Variants in CNOT7 observed in about 807,000 individuals in gnomAD.
CNOT7 encodes CCR4-NOT transcription complex subunit 7.
A neutral mutation model predicts 37.1 loss-of-function variants in CNOT7; 4 were observed. The observed-to-expected ratio is 0.11, with a 90% CI of 0.05 to 0.25. The LOEUF (loss-of-function observed/expected upper bound fraction) is 0.25. Among genes scored for constraint, CNOT7 ranks in the 10% least tolerant of loss-of-function variants. The pLI is 1.00. For missense variants in CNOT7, 170 were observed against 336.2 expected (o/e 0.51, Z 3.87); for synonymous variants, 128 against 115.6 (o/e 1.11, Z -0.69).
intron 1 of CNOT7, among the ~76,000 whole-genome samples, chr8:17,245,633 T>TG (rs1393466404): frequency 6.6e-6 from 1 of 152,210 alleles, no homozygotes; most frequent in East Asian, 1.9e-4. Context: ...ATGGCAAAGA[T>TG]GGTGTTTATT....
At chr8:17,239,146 G>C (rs139659432) in intron 3 of CNOT7, among the ~76,000 whole-genome samples, 4 of 152,132 alleles carry the variant, frequency 2.6e-5, no homozygotes, top group Non-Finnish European at 5.9e-5. Flanking sequence ...TTGACCTCCC[G>C]GACTCAAGCA....
intron 4 of CNOT7, among the ~76,000 whole-genome samples, chr8:17,235,175 A>G (rs925107253): frequency 3.3e-5 from 5 of 152,236 alleles, no homozygotes; most frequent in African/African-American, 1.2e-4. Context: ...AAGAGTATCA[A>G]GCTGCCCACA....
chr8:17,243,133 T>C lies in CNOT7; in HGVS notation c.170A>G (p.Asn57Ser), dbSNP rs1810418480. The change falls in exon 3 of 7, where the codon AAT (asparagine) becomes AGT (serine). Residue 57 changes from asparagine to serine, a missense_variant. By Grantham distance (46) the Asn-to-Ser change is conservative. This residue lies in a region of CNOT7 where 18 missense variants were observed against 57.0 expected (regional missense o/e 0.32). Coordinates refer to ENST00000361272, the MANE Select transcript of CNOT7 (RefSeq NM_013354.7). The part of the protein sequence containing the change: ...VARPIGEFRS[N>S]ADYQYQLLRC... ...CAATAGTTGGTATTGATAGTCAGCA[T>C]TGCTCCTGAATTCTCCAATGGGTCT... 9.3e-6 allele frequency: 15 copies of C among 1,609,114 alleles called. No homozygotes were observed. Among genetic ancestry groups the C allele is most frequent in the African/African-American group, 1.3e-5 (1 of 74,724 alleles).
rs1254858887 is a variant in CNOT7 at position 17,228,939 on chromosome 8, C to CAGTT, written c.*1777_*1780dup. 1.3e-5 allele frequency: 2 copies of CAGTT among 151,904 alleles called. No individual in the cohort carries two copies. The highest frequency in any genetic ancestry group is 2.9e-5 in the Non-Finnish European group (2 of 67,848). 9.4% of individuals were successfully genotyped at this position (151,904 alleles called of 1,614,324 possible). A position where few individuals can be genotyped will look rare whatever the true frequency, so the allele number is the denominator to read the frequency against. On this transcript the variant is annotated 3_prime_UTR_variant, in exon 7 of 7. Coordinates refer to ENST00000361272, the MANE Select transcript of CNOT7 (RefSeq NM_013354.7). ...TTGTGTTAGATTTTTTAAAAAGCCACAGTTATACCAAATGTATTTACTTTG... is the reference window on the plus strand; with the variant it reads ...TTGTGTTAGATTTTTTAAAAAGCCACAGTTAGTTATACCAAATGTATTTACTTTG...
chr8:17,236,840 G>A (rs758752093), intron 4 of CNOT7, among the ~76,000 whole-genome samples: 6 of 152,126 alleles, frequency 3.9e-5, no homozygotes, highest in Non-Finnish European at 2.9e-5. Flanking sequence ...ACTCAATAAC[G>A]TTGTGTAAAT....
intron 4 of CNOT7, 83 bp downstream of exon 4, chr8:17,237,129 A>T: frequency 7.4e-7 from 1 of 1,353,268 alleles, no homozygotes; most frequent in Non-Finnish European, 1.0e-6. Context: ...TTAAACCTGA[A>T]ATTGCTAACA....
At position 17,234,870 on chromosome 8, in the gene CNOT7, G is replaced by C; in HGVS notation, c.474-10C>G. The C allele has an allele frequency of 1.2e-6, 2 of 1,611,874 alleles. No homozygotes were observed. The highest frequency in any genetic ancestry group is 1.7e-6 in the Non-Finnish European group (2 of 1,178,980). On this transcript the variant is annotated splice_polypyrimidine_tract_variant and intron_variant, in intron 4 of 6. Transcript: ENST00000361272. ...GCCAAAGTCGTAACCGCTATAAAAG[G>C]GTTAAAAGAATAGAGAAGAGGGACA... is the stretch of plus-strand genomic sequence containing the variant.
Position 17,225,994 on chromosome 8 carries a change from C to A in CNOT7, c.*4726G>T, listed in dbSNP as rs1465043857. On this transcript the variant is annotated 3_prime_UTR_variant, in exon 7 of 7. Transcript: ENST00000361272. The stretch of plus-strand genomic sequence containing the variant: ...AAATAGCAAACAGGACAGACATAGA[C>A]CCTTGAGTTTCTTCTAGTAGAGAGG... 7.2e-6 allele frequency: 1 copy of A among 138,552 alleles called. No individual in the cohort carries two copies. The highest frequency in any genetic ancestry group is 1.6e-5 in the Non-Finnish European group (1 of 64,504). The allele number at this position is 138,552 out of a possible 1,614,324, so 8.6% of individuals were successfully genotyped here.
At chr8:17,243,699 G>A in intron 2 of CNOT7, 1 of 454,384 alleles carries the variant, frequency 2.2e-6, no homozygotes, top group South Asian at 1.6e-5. Flanking sequence ...AAAGCATGCT[G>A]TCAAGAATTG....
In CNOT7 at chr8:17,229,873, A is replaced by AAAAT. The variant is rs1808414109; in HGVS notation, c.*843_*846dup. 1 of 152,334 alleles carries AAAAT rather than the reference A, an allele frequency of 6.6e-6. No homozygotes were observed. Among genetic ancestry groups the AAAAT allele is most frequent in the African/African-American group, 2.4e-5 (1 of 41,422 alleles). 9.4% of individuals were successfully genotyped at this position (152,334 alleles called of 1,614,324 possible). A position where few individuals can be genotyped will look rare whatever the true frequency, so the allele number is the denominator to read the frequency against. Reference sequence around the variant, plus strand: ...AAAAAGGGTAAATGGTGATGGAATAAAAATAAGCAGATCAAGGGAAGTGTG... The same window carrying AAAAT: ...AAAAAGGGTAAATGGTGATGGAATAAAAATAAATAAGCAGATCAAGGGAAGTGTG... On this transcript the variant is annotated 3_prime_UTR_variant, in exon 7 of 7. Transcript: ENST00000361272.
intron 2 of CNOT7, chr8:17,243,754 T>C (rs1810506344): frequency 4.9e-6 from 2 of 410,180 alleles, no homozygotes; most frequent in African/African-American, 2.1e-5. Context: ...CTTCTCTATG[T>C]TGCCACTCTT....
Position 17,237,337 on chromosome 8 carries a change from T to G in CNOT7, c.348A>C (p.Leu116=), listed in dbSNP as rs767830146. ...TTTTAAACTGGATACCAGATGTTGTTAGTAGCTCTATAGAGTCCTGGGCAT... is the reference window on the plus strand; with the variant it reads ...TTTTAAACTGGATACCAGATGTTGTGAGTAGCTCTATAGAGTCCTGGGCAT... ...DMYAQDSIEL[L]TTSGIQFKKH... is the part of the protein sequence containing the mutation. The change falls in exon 4 of 7, where the codon CTA becomes CTC. Residue 116 remains leucine, a synonymous_variant. Coordinates refer to ENST00000361272, the MANE Select transcript of CNOT7 (RefSeq NM_013354.7). 12 of 1,614,126 alleles carry G rather than the reference T, an allele frequency of 7.4e-6. No homozygotes were observed. Among genetic ancestry groups the G allele is most frequent in the Non-Finnish European group, 9.3e-6 (11 of 1,180,006 alleles).
At chr8:17,234,046 C>A (rs866509365) in intron 5 of CNOT7, among the ~76,000 whole-genome samples, 12 of 152,102 alleles carry the variant, frequency 7.9e-5, no homozygotes, top group African/African-American at 2.7e-4. Flanking sequence ...AAGAGCAAGG[C>A]TCCGTCTCAA....
rs1258170319 is a variant in CNOT7, at chr8:17,227,997, T to TCAA, written c.*2720_*2722dup. 1.3e-5 allele frequency: 2 copies of TCAA among 151,970 alleles called. No homozygotes were observed. Among genetic ancestry groups the TCAA allele is most frequent in the East Asian group, 1.9e-4 (1 of 5,194 alleles). 9.4% of individuals were successfully genotyped at this position (151,970 alleles called of 1,614,324 possible). On this transcript the variant is annotated 3_prime_UTR_variant, in exon 7 of 7. Transcript: ENST00000361272. ...CATACACAGGTTCTGTAGCAGCTAC[T>TCAA]CAACTTTCCCATTATAGCAAAAAAG...
intron 3 of CNOT7, among the ~76,000 whole-genome samples, chr8:17,239,076 T>A (rs1389663520): frequency 6.6e-6 from 1 of 152,222 alleles, no homozygotes; most frequent in African/African-American, 2.4e-5. Flanking sequence ...CTTTCCCTTC[T>A]TGAGACAGGG....
intron 5 of CNOT7, chr8:17,234,485 C>G (rs1388920068): frequency 3.1e-5 from 15 of 479,268 alleles, no homozygotes; most frequent in Non-Finnish European, 5.3e-5. Flanking sequence ...CGGACCTAAG[C>G]CTGAAATGTG....
chr8:17,237,408 T>A, intron 3 of CNOT7, 35 bp from the exon 4 acceptor site: 2 of 1,601,816 alleles, frequency 1.2e-6, no homozygotes, highest in Non-Finnish European at 1.7e-6. Context: ...CATTCAAACA[T>A]GCCATTACTT....
rs991642966 is a variant in CNOT7 at position 17,227,657 on chromosome 8, TCTGA to T, written c.*3059_*3062del. The T allele has an allele frequency of 2.0e-5, 3 of 151,962 alleles. No individual in the cohort carries two copies. The highest frequency in any genetic ancestry group is 7.2e-5 in the African/African-American group (3 of 41,436). 9.4% of individuals were successfully genotyped at this position (151,962 alleles called of 1,614,324 possible). On this transcript the variant is annotated 3_prime_UTR_variant, in exon 7 of 7. Coordinates refer to ENST00000361272, the MANE Select transcript of CNOT7 (RefSeq NM_013354.7). The stretch of plus-strand genomic sequence containing the variant: ...TGTTTCATTTAAATTTTCTAATTCT[TCTGA>T]CTGTTGCTTTCCCACCAGTTGGGAA...
At chr8:17,245,284 A>C (rs1047808140) in intron 1 of CNOT7, 37 bp from the exon 2 acceptor site, 2 of 884,992 alleles carry the variant, frequency 2.3e-6, no homozygotes, top group African/African-American at 3.5e-5. Context: ...GACCAGATAT[A>C]TCAAATCTGA....
Sources: allele counts gnomAD v4.1 joint callset (sites outside exome capture counted in the v4.1 genomes callset), GRCh38; gene constraint gnomAD v4.1.1; regional missense constraint gnomAD v4.1.1; transcripts MANE v1.5; gene names NCBI Gene and HGNC (gene_info 2026-07-23, HGNC 2026-07-21).